The following TARM1 variants were observed in gnomAD, a reference collection of about 807,000 sequenced individuals.
The protein encoded by TARM1 is T-cell-interacting, activating receptor on myeloid cells protein 1.
TARM1 carries 24 observed loss-of-function variants against 30.4 expected under a neutral mutation model. The ratio of observed to expected loss-of-function variants is 0.79; its 90% confidence interval spans 0.57 to 1.11. The LOEUF is 1.11. Ranked by LOEUF, TARM1 falls within the 50% of genes least tolerant of loss-of-function variation. TARM1 has a pLI of 0.00. For synonymous variants in TARM1, 129 were observed against 138.9 expected, an observed-to-expected ratio of 0.93 and a Z score of 0.50; for missense variants, 323 against 332.8, an observed-to-expected ratio of 0.97 and a Z score of 0.23.
intron 1 of TARM1, among the ~76,000 whole-genome samples, chr19:54,077,900 C>T (rs773815350): frequency 7.3e-4 from 111 of 151,750 alleles, no homozygotes; most frequent in Non-Finnish European, 1.4e-3. Flanking sequence ...CTGCAACCTC[C>T]GCCTTGCAGG....
intron 1 of TARM1, 62 bp downstream of exon 1, chr19:54,081,245 C>T: frequency 2.0e-6 from 3 of 1,499,900 alleles, no homozygotes; most frequent in South Asian, 1.2e-5. Flanking sequence ...CATCCCCAGC[C>T]CAACTATCCC....
In TARM1 at chr19:54,074,000, T is replaced by A. The variant is rs1201414104; in HGVS notation, c.578A>T (p.Asn193Ile). The A allele has an allele frequency of 6.4e-7, 1 of 1,551,452 alleles. No individual in the cohort carries two copies. The highest frequency in any genetic ancestry group is 1.4e-5 in the African/African-American group (1 of 72,994). Reference sequence around the variant, plus strand: ...TGTCTGGTAGTACATGCAGCTGTAGTTCCCAGCATCGCCGGCTGTCACGTC... The same window carrying A: ...TGTCTGGTAGTACATGCAGCTGTAGATCCCAGCATCGCCGGCTGTCACGTC... The part of the protein sequence containing the change: ...LVDVTAGDAG[N>I]YSCMYYQTKS... The change falls in exon 4 of 5, where the codon AAC becomes ATC. Residue 193 changes from asparagine (N) to isoleucine (I), a missense_variant. Coordinates refer to ENST00000432826, the MANE Select transcript of TARM1 (RefSeq NM_001135686.3).
At chr19:54,076,029 G>T in intron 1 of TARM1, 111 bp from the exon 2 acceptor site, 1 of 1,461,158 alleles carries the variant, frequency 6.8e-7, no homozygotes, top group Non-Finnish European at 9.2e-7. Context: ...GACCCTTAGA[G>T]GTCATACGCT....
chr19:54,076,071 T>A, intron 1 of TARM1, 153 bp from the exon 2 acceptor site: 1 of 1,436,904 alleles, frequency 7.0e-7, no homozygotes, highest in South Asian at 1.3e-5. Flanking sequence ...CACTGGACTG[T>A]GGCTTCTGCT....
At chr19:54,076,631 G>A (rs1457385668) in intron 1 of TARM1, 3 of 162,584 alleles carry the variant, frequency 1.8e-5, no homozygotes, top group South Asian at 1.9e-4. Context: ...CCAAAGTGCC[G>A]GGATTACAGG....
chr19:54,071,791 A>G (rs1459318302), intron 4 of TARM1, among the ~76,000 whole-genome samples: 1 of 152,000 alleles, frequency 6.6e-6, no homozygotes, highest in East Asian at 1.9e-4. Flanking sequence ...AGATTGTGCC[A>G]CTACACTCCA....
intron 1 of TARM1, among the ~76,000 whole-genome samples, chr19:54,080,636 A>C (rs890287960): frequency 3.9e-5 from 6 of 152,056 alleles, no homozygotes; most frequent in Admixed American, 6.6e-5. Context: ...GCCTCAATTT[A>C]CTTTATAGTT....
At chr19:54,073,407 CAAAA>C (rs745643672) in intron 4 of TARM1, among the ~76,000 whole-genome samples, 2 of 66,078 alleles carry the variant, frequency 3.0e-5, no homozygotes, top group African/African-American at 6.1e-5. Flanking sequence ...GACTCCATTT[CAAAA>C]AAAAAAAAAA....
At chr19:54,075,261 C>T (rs1403765010) in intron 2 of TARM1, 147 bp from the exon 3 acceptor site, 1 of 680,438 alleles carries the variant, frequency 1.5e-6, no homozygotes, top group Non-Finnish European at 2.2e-6. Flanking sequence ...AATCTCAGTT[C>T]ACTGCAACCT....
intron 2 of TARM1, 22 bp downstream of exon 2, chr19:54,075,861 G>A (rs1228901021): frequency 1.3e-6 from 2 of 1,550,720 alleles, no homozygotes; most frequent in Non-Finnish European, 1.7e-6. Flanking sequence ...GCCAAGGAGG[G>A]TGTAGTTGAA....
In TARM1 at chr19:54,080,137, AAGAAAGCAAGC is replaced by A. The variant is rs1600214958; in HGVS notation, c.34+1159_34+1169del. Among the ~76,000 whole-genome samples the A allele has an allele frequency of 4.1e-3, 307 of 74,338 alleles. 13 individuals carry two copies. The Admixed American group carries it at 0.045, about 11-fold the overall frequency. The allele number at this position is 74,338 out of a possible 152,430, so 48.8% of individuals were successfully genotyped here. The stretch of plus-strand genomic sequence containing the variant: ...GAAGGAAGGAAGGAAGGAAGGAAGG[AAGAAAGCAAGC>A]AAGCAAGCAAGCAAGCAAGCAAGCA... On this transcript the variant is annotated intron_variant, in intron 1 of 4. Transcript: ENST00000432826.
In TARM1 at chr19:54,074,010, C is replaced by T. The variant is rs758383287; in HGVS notation, c.568G>A (p.Asp190Asn). ...TACATGCAGCTGTAGTTCCCAGCAT[C>T]GCCGGCTGTCACGTCCACCAGAGAG... Reference protein sequence around the residue: ...DFSLVDVTAGDAGNYSCMYYQ... With the variant: ...DFSLVDVTAGNAGNYSCMYYQ... Residue 190 changes from aspartate (D) to asparagine (N), a missense_variant, in exon 4 of 5, where the codon GAT becomes AAT. Physicochemically the swap from Asp to Asn is conservative, Grantham distance 23 (BLOSUM62 1). Transcript: ENST00000432826. The T allele has an allele frequency of 4.1e-5, 63 of 1,551,570 alleles. No homozygotes were observed. The Middle Eastern group carries it at 5.0e-4, about 12-fold the overall frequency.
At chr19:54,080,501 AGG>A (rs2072100962) in intron 1 of TARM1, among the ~76,000 whole-genome samples, 1 of 32,058 alleles carries the variant, frequency 3.1e-5, no homozygotes, top group Admixed American at 2.9e-4. Context: ...GAAGGGAGGA[AGG>A]AAGGAAGGAA....
chr19:54,080,476 G>GAAAA (rs1568513299), intron 1 of TARM1, among the ~76,000 whole-genome samples: 1 of 105,630 alleles, frequency 9.5e-6, no homozygotes, highest in African/African-American at 3.7e-5. Flanking sequence ...AAAAAAGAAA[G>GAAAA]AGAGAGAGAG....
At chr19:54,078,673 T>C (rs587743560) in intron 1 of TARM1, among the ~76,000 whole-genome samples, 70 of 147,616 alleles carry the variant, frequency 4.7e-4, no homozygotes, top group African/African-American at 1.7e-3. Context: ...AGCCTCATTT[T>C]TGTATTTTTT....
At chr19:54,073,004 A>AAAAC (rs1378574247) in intron 4 of TARM1, among the ~76,000 whole-genome samples, 1 of 152,064 alleles carries the variant, frequency 6.6e-6, no homozygotes. Context: ...AAAACAAAAC[A>AAAAC]AAAAACCAAA....
At chr19:54,071,811 A>G (rs2146205859) in intron 4 of TARM1, among the ~76,000 whole-genome samples, 1 of 152,130 alleles carries the variant, frequency 6.6e-6, no homozygotes. Context: ...AGCTTGGGCG[A>G]CAGAGTGAGA....
chr19:54,080,474 A>AAG lies in TARM1; in HGVS notation c.34+831_34+832dup, dbSNP rs763596805. ...CTCCATCTCAAAAAAAAAAAAAAGA[A>AAG]AGAGAGAGAGAGGAAGGAAGGGAGG... is the stretch of plus-strand genomic sequence containing the variant. On this transcript the variant is annotated intron_variant, in intron 1 of 4. Coordinates refer to ENST00000432826, the MANE Select transcript of TARM1 (RefSeq NM_001135686.3). Among the ~76,000 whole-genome samples the AAG allele has an allele frequency of 2.3e-4, 28 of 124,010 alleles. 1 individual carries two copies. In the South Asian group the frequency reaches 2.5e-3, roughly 11 times the overall value. 81.4% of individuals were successfully genotyped at this position (124,010 alleles called of 152,430 possible).
chr19:54,072,894 C>A (rs1365786072), intron 4 of TARM1, among the ~76,000 whole-genome samples: 1 of 152,008 alleles, frequency 6.6e-6, no homozygotes, highest in East Asian at 1.9e-4. Context: ...AGGAGAATTG[C>A]TTAAACTCGG....
Sources: allele counts gnomAD v4.1 joint callset (sites outside exome capture counted in the v4.1 genomes callset), GRCh38; gene constraint gnomAD v4.1.1; transcripts MANE v1.5; gene names NCBI Gene and HGNC (gene_info 2026-07-23, HGNC 2026-07-21).